TENM3: variants seen among roughly 807,000 people sequenced by gnomAD.
TENM3 encodes teneurin transmembrane protein 3.
A neutral mutation model predicts 255.1 loss-of-function variants in TENM3; 63 were observed. That is an observed-to-expected ratio of 0.25 (90% CI 0.20 to 0.30). TENM3 has a LOEUF of 0.30. TENM3 is among the 10% of genes least tolerant of loss of function. The pLI, the probability that TENM3 is intolerant of heterozygous loss-of-function variation, is 1.00. For synonymous variants in TENM3, 1,306 were observed against 1,322.3 expected, an observed-to-expected ratio of 0.99 and a Z score of 0.27; for missense variants, 2,929 against 3,461.1, an observed-to-expected ratio of 0.85 and a Z score of 3.86.
intron 12 of TENM3, among the ~76,000 whole-genome samples, chr4:182,694,136 G>C: frequency 6.6e-6 from 1 of 151,556 alleles, no homozygotes; most frequent in East Asian, 1.9e-4. Context: ...TTGAGACAGG[G>C]TCTCACTCAG....
At chr4:182,206,331 G>T (rs1174528421) in intron 1 of TENM3, among the ~76,000 whole-genome samples, 4 of 152,118 alleles carry the variant, frequency 2.6e-5, no homozygotes, top group Non-Finnish European at 5.9e-5. Context: ...CCTCAGGATT[G>T]CTCCAGCTCT....
At chr4:182,181,101 TAAAAC>T (rs960295872) in intron 1 of TENM3, among the ~76,000 whole-genome samples, 9 of 152,174 alleles carry the variant, frequency 5.9e-5, no homozygotes, top group Admixed American at 4.6e-4. Context: ...TTTGTGGTGT[TAAAAC>T]AAATCAAAAC....
At chr4:181,875,646 C>T in the TENM3 span, among the ~76,000 whole-genome samples, 1 of 152,132 alleles carries the variant, frequency 6.6e-6, no homozygotes, top group Non-Finnish European at 1.5e-5. Flanking sequence ...ATTGATCTTT[C>T]CTGCCATGTT....
the TENM3 span, among the ~76,000 whole-genome samples, chr4:182,133,575 TAC>T: frequency 6.6e-6 from 1 of 152,228 alleles, no homozygotes; most frequent in African/African-American, 2.4e-5. Context: ...CAAAAATTTG[TAC>T]ACAGTGTTCC....
At chr4:181,487,224 T>C in the TENM3 span, among the ~76,000 whole-genome samples, 8 of 152,298 alleles carry the variant, frequency 5.3e-5, no homozygotes, top group East Asian at 1.2e-3. Context: ...ACGCTTGTTT[T>C]AGATAGGTTA....
chr4:182,632,452 T>G (rs1274765868), intron 5 of TENM3, among the ~76,000 whole-genome samples: 1 of 152,190 alleles, frequency 6.6e-6, no homozygotes, highest in Middle Eastern at 3.2e-3. Context: ...TATGCATATT[T>G]TTAACTTTTG....
the TENM3 span, among the ~76,000 whole-genome samples, chr4:181,798,017 C>T: frequency 6.6e-6 from 1 of 152,026 alleles, no homozygotes; most frequent in Non-Finnish European, 1.5e-5. Context: ...TATCTTTTAT[C>T]ATTATTTATT....
At chr4:182,458,139 A>T (rs6552565) in intron 3 of TENM3, among the ~76,000 whole-genome samples, 118,092 of 152,154 alleles carry the variant, frequency 0.78, 46,931 homozygotes, top group East Asian at 0.93. Context: ...CAGATTTTTT[A>T]AATGAGGTGT....
chr4:182,652,071 A>G (rs914465895), intron 5 of TENM3, among the ~76,000 whole-genome samples: 28 of 152,310 alleles, frequency 1.8e-4, no homozygotes, highest in Non-Finnish European at 1.6e-4. Context: ...CTAAATTACT[A>G]TATTTTATCC....
chr4:182,621,262 T>G (rs1266998793), intron 4 of TENM3, among the ~76,000 whole-genome samples: 1 of 152,156 alleles, frequency 6.6e-6, no homozygotes, highest in Non-Finnish European at 1.5e-5. Context: ...GCAATCCTCC[T>G]GCCTCATTGT....
the TENM3 span, among the ~76,000 whole-genome samples, chr4:182,121,955 C>T: frequency 6.6e-6 from 1 of 152,206 alleles, no homozygotes; most frequent in African/African-American, 2.4e-5. Flanking sequence ...CTTTCCACTG[C>T]TTTATCAACT....
At chr4:182,215,171 G>A (rs1755371502) in intron 1 of TENM3, among the ~76,000 whole-genome samples, 1 of 152,200 alleles carries the variant, frequency 6.6e-6, no homozygotes, top group Non-Finnish European at 1.5e-5. Flanking sequence ...GTTGTAAATG[G>A]TATTTTCAAG....
intron 24 of TENM3, among the ~76,000 whole-genome samples, chr4:182,781,838 G>A (rs1182862517): frequency 2.0e-5 from 3 of 150,938 alleles, no homozygotes. Flanking sequence ...TAGTTTATTT[G>A]TGTAGAGGTG....
At chr4:181,756,947 AT>A in the TENM3 span, among the ~76,000 whole-genome samples, 1 of 152,170 alleles carries the variant, frequency 6.6e-6, no homozygotes, top group African/African-American at 2.4e-5. Flanking sequence ...TTCATACACA[AT>A]TTATCATATT....
chr4:182,709,877 A>C (rs17073899), intron 12 of TENM3, among the ~76,000 whole-genome samples: 2,193 of 152,286 alleles, frequency 0.014, 52 homozygotes, highest in South Asian at 0.11. Context: ...AAGAGTTGCA[A>C]ATATTTTAAG....
chr4:182,211,584 C>T (rs1755043703), intron 1 of TENM3, among the ~76,000 whole-genome samples: 2 of 152,126 alleles, frequency 1.3e-5, no homozygotes, highest in Non-Finnish European at 2.9e-5. Context: ...GTTCAGAAAT[C>T]AAATCTATCA....
At chr4:182,756,636 A>G (rs1762765102) in intron 22 of TENM3, among the ~76,000 whole-genome samples, 1 of 152,184 alleles carries the variant, frequency 6.6e-6, no homozygotes, top group South Asian at 2.1e-4. Flanking sequence ...AAAAGTCAGT[A>G]GAAAAAATGA....
the TENM3 span, among the ~76,000 whole-genome samples, chr4:181,509,494 C>T: frequency 1.1e-4 from 16 of 152,014 alleles, no homozygotes; most frequent in Admixed American, 2.6e-4. Context: ...TTGTCCCCTG[C>T]GAGAAAGCTT....
At chr4:182,160,127 C>T (rs1006541681) in intron 1 of TENM3, among the ~76,000 whole-genome samples, 3 of 149,892 alleles carry the variant, frequency 2.0e-5, no homozygotes, top group Non-Finnish European at 4.5e-5. Flanking sequence ...CTCAGCCTCC[C>T]GAGTAGCTGG....
Sources: allele counts gnomAD v4.1 joint callset (sites outside exome capture counted in the v4.1 genomes callset), GRCh38; gene constraint gnomAD v4.1.1; transcripts MANE v1.5; gene names NCBI Gene and HGNC (gene_info 2026-07-23, HGNC 2026-07-21).